PAPPA2: variants seen among roughly 807,000 people sequenced by gnomAD.
PAPPA2 encodes the protein pappalysin 2, also known as pappalysin-2.
Under a neutral mutation model 176.4 loss-of-function variants are expected in PAPPA2, and 86 were observed. The ratio of observed to expected loss-of-function variants is 0.49; its 90% confidence interval spans 0.41 to 0.58. PAPPA2 has a LOEUF of 0.58. Among genes scored for constraint, PAPPA2 ranks in the 20% least tolerant of loss-of-function variants. The pLI, the probability that PAPPA2 is intolerant of heterozygous loss-of-function variation, is 0.00. For synonymous variants in PAPPA2, 809 were observed against 852.2 expected, an observed-to-expected ratio of 0.95 and a Z score of 0.88; for missense variants, 2,073 against 2,256.9, an observed-to-expected ratio of 0.92 and a Z score of 1.65.
At chr1:176,749,438 T>C (rs1220568360) in intron 14 of PAPPA2, among the ~76,000 whole-genome samples, 1 of 152,238 alleles carries the variant, frequency 6.6e-6, no homozygotes, top group African/African-American at 2.4e-5. Context: ...TGAACCTACG[T>C]TGACACATCA....
intron 20 of PAPPA2, among the ~76,000 whole-genome samples, chr1:176,796,186 A>AT (rs1419612792): frequency 6.6e-6 from 1 of 152,154 alleles, no homozygotes; most frequent in African/African-American, 2.4e-5. Flanking sequence ...CTTTTTCATC[A>AT]TTTTTAAGCA....
At chr1:176,691,839 C>A (rs1261393880) in intron 5 of PAPPA2, among the ~76,000 whole-genome samples, 1 of 152,178 alleles carries the variant, frequency 6.6e-6, no homozygotes, top group Non-Finnish European at 1.5e-5. Flanking sequence ...TTGTGGTTTG[C>A]TGAATAAGCA....
At chr1:176,548,566 T>C (rs1248868880) in intron 1 of PAPPA2, among the ~76,000 whole-genome samples, 1 of 151,810 alleles carries the variant, frequency 6.6e-6, no homozygotes, top group East Asian at 1.9e-4. Context: ...GGCGTGTATT[T>C]ACACCCTTCA....
chr1:176,839,961 C>G, intron 21 of PAPPA2, among the ~76,000 whole-genome samples: 1 of 152,146 alleles, frequency 6.6e-6, no homozygotes, highest in Non-Finnish European at 1.5e-5. Flanking sequence ...AGGAGCAGTG[C>G]TGCCAGTGAA....
At chr1:176,549,565 T>G (rs926791504) in intron 1 of PAPPA2, among the ~76,000 whole-genome samples, 3 of 152,230 alleles carry the variant, frequency 2.0e-5, no homozygotes, top group African/African-American at 7.2e-5. Context: ...GCATAATTGT[T>G]TATTTGGTAA....
At chr1:176,832,431 C>T (rs1269549217) in intron 21 of PAPPA2, among the ~76,000 whole-genome samples, 1 of 152,198 alleles carries the variant, frequency 6.6e-6, no homozygotes, top group African/African-American at 2.4e-5. Flanking sequence ...TCTCGGCTCA[C>T]TGCAATCTCT....
chr1:176,682,705 C>T (rs945550579), intron 4 of PAPPA2, among the ~76,000 whole-genome samples: 4 of 151,860 alleles, frequency 2.6e-5, no homozygotes, highest in Non-Finnish European at 2.9e-5. Context: ...ATTTTTTAAT[C>T]GTCTCCATTT....
At chr1:176,659,689 T>C (rs2102756192) in intron 3 of PAPPA2, among the ~76,000 whole-genome samples, 1 of 152,230 alleles carries the variant, frequency 6.6e-6, no homozygotes, top group Non-Finnish European at 1.5e-5. Flanking sequence ...ATTGAAATAA[T>C]GAGAATGTGT....
intron 10 of PAPPA2, among the ~76,000 whole-genome samples, chr1:176,709,177 T>C (rs1285027478): frequency 6.6e-6 from 1 of 152,170 alleles, no homozygotes; most frequent in Non-Finnish European, 1.5e-5. Context: ...TCTTAGATAT[T>C]CATTTATCAC....
intron 2 of PAPPA2, among the ~76,000 whole-genome samples, chr1:176,594,055 T>C (rs961553437): frequency 1.3e-5 from 2 of 152,212 alleles, no homozygotes; most frequent in African/African-American, 4.8e-5. Flanking sequence ...ATCCTTTTAA[T>C]GTTCAGTAGA....
At chr1:176,798,691 G>C (rs911000576) in intron 20 of PAPPA2, among the ~76,000 whole-genome samples, 2 of 152,186 alleles carry the variant, frequency 1.3e-5, no homozygotes, top group Non-Finnish European at 2.9e-5. Context: ...ATAAATGGCT[G>C]TAAGTGCAGG....
chr1:176,668,224 C>T (rs547632765), intron 3 of PAPPA2, among the ~76,000 whole-genome samples: 6 of 152,144 alleles, frequency 3.9e-5, no homozygotes, highest in East Asian at 1.9e-4. Flanking sequence ...GATATAACTT[C>T]GGTCACTCTG....
intron 4 of PAPPA2, among the ~76,000 whole-genome samples, chr1:176,689,149 G>A (rs1033643610): frequency 6.6e-6 from 1 of 152,174 alleles, no homozygotes; most frequent in African/African-American, 2.4e-5. Context: ...AGATAAGACT[G>A]GGCCTGGCCC....
rs1390621002 is a variant in PAPPA2, at chr1:176,595,485, C to G, written c.1881C>G (p.Leu627=). 5 of 1,614,232 alleles carry G rather than the reference C, an allele frequency of 3.1e-6. No individual in the cohort carries two copies. The highest frequency in any genetic ancestry group is 4.2e-6 in the Non-Finnish European group (5 of 1,180,036). Reference sequence around the variant, plus strand: ...ACTCCTGGAACCGCAGGGATGGGCTCTGTCACGTGGAGTGTAACAACATGC... The same window carrying G: ...ACTCCTGGAACCGCAGGGATGGGCTGTGTCACGTGGAGTGTAACAACATGC... ...RCYSWNRRDG[L]CHVECNNMLN... Residue 627 remains leucine (L), a synonymous_variant, in exon 3 of 23, where the codon CTC becomes CTG. Transcript: ENST00000367662.
rs189196818 is a variant in PAPPA2 at position 176,608,281 on chromosome 1, G to A, written c.1991+12686G>A. Among the ~76,000 whole-genome samples the A allele has an allele frequency of 3.9e-3, 589 of 152,218 alleles. 1 individual carries two copies. Among genetic ancestry groups the A allele is most frequent in the Middle Eastern group, 6.8e-3 (2 of 294 alleles). On this transcript the variant is annotated intron_variant, in intron 3 of 22. Coordinates refer to ENST00000367662, the MANE Select transcript of PAPPA2 (RefSeq NM_020318.3). ...CTCACAGTGTTTTGTTTCTTCATGG[G>A]TGCTTTATGATTTTTGATTGTGAGT... is the stretch of plus-strand genomic sequence containing the variant.
rs188626576 is a variant in PAPPA2 at position 176,539,305 on chromosome 1, G to T, written c.-916-16102G>T. 1.2e-3 allele frequency among the ~76,000 whole-genome samples: 180 copies of T among 152,306 alleles called. 1 individual carries two copies. Among genetic ancestry groups the T allele is most frequent in the Non-Finnish European group, 2.2e-3 (149 of 68,030 alleles). ...ATGGGGTCCAGCCAGAGAGGCGGTT[G>T]CCAGGGGCAGGTTGAAGGCACATGA... On this transcript the variant is annotated intron_variant, in intron 1 of 22. Transcript: ENST00000367662.
intron 2 of PAPPA2, among the ~76,000 whole-genome samples, chr1:176,593,272 T>G (rs1653767960): frequency 6.6e-6 from 1 of 152,204 alleles, no homozygotes; most frequent in Non-Finnish European, 1.5e-5. Flanking sequence ...CTAGACTGTC[T>G]AAGGAGAATT....
At chr1:176,588,471 G>T (rs1441136434) in intron 2 of PAPPA2, among the ~76,000 whole-genome samples, 2 of 152,184 alleles carry the variant, frequency 1.3e-5, no homozygotes, top group Non-Finnish European at 2.9e-5. Flanking sequence ...GTGAGAGAGG[G>T]CATCACTGGA....
chr1:176,620,582 A>G (rs1024477731), intron 3 of PAPPA2, among the ~76,000 whole-genome samples: 3 of 152,212 alleles, frequency 2.0e-5, no homozygotes, highest in African/African-American at 7.2e-5. Flanking sequence ...TTATTGTTGT[A>G]GTATGAAAGC....
Sources: gnomAD v4.1 joint callset for allele counts (sites outside exome capture counted in the v4.1 genomes callset) on GRCh38, gnomAD v4.1.1 for gene constraint, MANE v1.5 for transcripts, NCBI Gene and HGNC (gene_info 2026-07-23, HGNC 2026-07-21) for gene names.